The following NCOA4 variants were observed in gnomAD, a reference collection of about 807,000 sequenced individuals.
The protein encoded by NCOA4 is 70 kDa AR-activator.
In NCOA4, 31 loss-of-function variants were observed where a neutral mutation model predicts 69.5. The observed-to-expected ratio is 0.45, with a 90% CI of 0.34 to 0.60. NCOA4 has a LOEUF of 0.60. NCOA4 is among the 20% of genes least tolerant of loss of function. The pLI, the probability that NCOA4 is intolerant of heterozygous loss-of-function variation, is 0.02. For missense variants in NCOA4, 600 were observed against 719.2 expected (o/e 0.83, Z 1.90); for synonymous variants, 228 against 252.4 (o/e 0.90, Z 0.92).
At chr10:46,016,797 CTACTT>C (rs1839581454) in intron 1 of NCOA4, 103 bp from the exon 2 acceptor site, 1 of 765,218 alleles carries the variant, frequency 1.3e-6, no homozygotes, top group Non-Finnish European at 1.8e-6. Context: ...CCATTACTAA[CTACTT>C]AGATTACTTT....
At chr10:46,027,399 A>G (rs1840220867) in intron 1 of NCOA4, 1 of 1,546,584 alleles carries the variant, frequency 6.5e-7, no homozygotes, top group African/African-American at 1.4e-5. Context: ...AGCTCCTCTA[A>G]CTGACATGCA....
Position 46,010,335 on chromosome 10 carries a change from G to T in NCOA4, c.1586C>A (p.Thr529Asn). The change falls in exon 8 of 10, where the codon ACT becomes AAT. Residue 529 changes from threonine (T) to asparagine (N), a missense_variant. Physicochemically the swap from Thr to Asn is moderately conservative, Grantham distance 65. Transcript: ENST00000581486. ...AGCTGTGTTAAAGGAACACCAGGAA[G>T]TATTCATGGGGCTTTTAAACTTCTG... ...GKQKFKSPMN[T>N]SWCSFNTADW... is the part of the protein sequence containing the mutation. The T allele has an allele frequency of 3.1e-6, 5 of 1,614,192 alleles. No homozygotes were observed. Among genetic ancestry groups the T allele is most frequent in the Non-Finnish European group, 4.2e-6 (5 of 1,180,030 alleles).
chr10:46,006,661 C>T, intron 9 of NCOA4, 64 bp from the exon 10 acceptor site: 1 of 1,502,132 alleles, frequency 6.7e-7, no homozygotes, highest in Admixed American at 1.7e-5. Context: ...ATTTTCCCTG[C>T]CTTAAAGCTC....
At chr10:46,013,811 A>G (rs1365005461) in intron 5 of NCOA4, among the ~76,000 whole-genome samples, 172 bp from the exon 6 acceptor site, 4 of 152,254 alleles carry the variant, frequency 2.6e-5, no homozygotes, top group African/African-American at 7.2e-5. Flanking sequence ...ACTCTACCAC[A>G]TAACTATTAT....
intron 7 of NCOA4, among the ~76,000 whole-genome samples, chr10:46,011,870 T>C (rs1158596585): frequency 6.7e-6 from 1 of 149,914 alleles, no homozygotes; most frequent in African/African-American, 2.5e-5. Context: ...CTAACACGGG[T>C]GAAACCCCGT....
chr10:46,009,252 AC>A, intron 9 of NCOA4, 158 bp downstream of exon 9: 1 of 1,503,332 alleles, frequency 6.7e-7, no homozygotes, highest in Non-Finnish European at 9.1e-7. Flanking sequence ...AAATACATCA[AC>A]TTTTTATGAG....
chr10:46,006,576 A>G lies in NCOA4; in HGVS notation c.*16T>C, dbSNP rs182868699. 64 of 1,613,890 alleles carry G rather than the reference A, an allele frequency of 4.0e-5. 1 individual carries two copies. The Middle Eastern group carries it at 1.2e-3, about 30-fold the overall frequency. ...TGATAATCAGCAGAAAGGCTGCTCA[A>G]CTCTTGTCCATTCCTTCACATCTGT... On this transcript the variant is annotated 3_prime_UTR_variant, in exon 10 of 10. Transcript: ENST00000581486.
At position 46,016,494 on chromosome 10, in the gene NCOA4, C is replaced by T; in HGVS notation, c.141+46G>A. ...GTCCTTGGCCATGCTCAAATCAGCC[C>T]TGTGTCAAGAGTCCAGACAACAGAA... On this transcript the variant is annotated intron_variant, in intron 2 of 9. Coordinates refer to ENST00000581486, the MANE Select transcript of NCOA4 (RefSeq NM_001145263.2). 2 of 1,379,280 alleles carry T rather than the reference C, an allele frequency of 1.5e-6. 1 individual carries two copies. The highest frequency in any genetic ancestry group is 4.1e-5 in the South Asian group (2 of 48,442). 85.4% of individuals were successfully genotyped at this position (1,379,280 alleles called of 1,614,324 possible).
intron 1 of NCOA4, among the ~76,000 whole-genome samples, chr10:46,019,935 T>G (rs782355545): frequency 6.6e-6 from 1 of 152,216 alleles, no homozygotes; most frequent in Non-Finnish European, 1.5e-5. Flanking sequence ...TTTGGCTCTC[T>G]CTGTCCCTCC....
At chr10:46,029,418 A>G (rs1840336993) in intron 1 of NCOA4, among the ~76,000 whole-genome samples, 1 of 152,236 alleles carries the variant, frequency 6.6e-6, no homozygotes, top group Non-Finnish European at 1.5e-5. Context: ...CCTTAGGGTA[A>G]GTCTTTCTCA....
chr10:46,020,095 C>T (rs186700566), intron 1 of NCOA4, among the ~76,000 whole-genome samples: 39 of 152,322 alleles, frequency 2.6e-4, no homozygotes, highest in African/African-American at 8.4e-4. Context: ...GAATTCAAAT[C>T]ACAATGAGCC....
chr10:46,011,869 G>A (rs752015862), intron 7 of NCOA4, among the ~76,000 whole-genome samples: 1 of 151,112 alleles, frequency 6.6e-6, no homozygotes, highest in African/African-American at 2.4e-5. Context: ...GCTAACACGG[G>A]TGAAACCCCG....
At chr10:46,021,794 T>C (rs1839884401) in intron 1 of NCOA4, among the ~76,000 whole-genome samples, 1 of 152,096 alleles carries the variant, frequency 6.6e-6, no homozygotes, top group Non-Finnish European at 1.5e-5. Flanking sequence ...ACCCTGTCTC[T>C]AATAAAAATA....
In NCOA4 at chr10:46,010,787, T is replaced by C. The variant is rs1233925640; in HGVS notation, c.1134A>G (p.Pro378=). 3.1e-6 allele frequency: 5 copies of C among 1,613,738 alleles called. No homozygotes were observed. The highest frequency in any genetic ancestry group is 2.7e-5 in the African/African-American group (2 of 74,874). Residue 378 remains proline (P), a synonymous_variant, in exon 8 of 10, where the codon CCA becomes CCG. Transcript: ENST00000581486. ...CLNDHLEAKK[P]LSTPSMVTED... The stretch of plus-strand genomic sequence containing the variant: ...CTGTAACCATGCTGGGGGTGGACAA[T>C]GGTTTCTTGGCCTCCAAGTGGTCAT...
chr10:46,008,669 G>A (rs1330038958), intron 9 of NCOA4, among the ~76,000 whole-genome samples: 4 of 152,174 alleles, frequency 2.6e-5, no homozygotes, highest in Admixed American at 2.6e-4. Flanking sequence ...TAAACTTAGT[G>A]GATAAAGCAG....
intron 1 of NCOA4, among the ~76,000 whole-genome samples, chr10:46,017,560 G>T (rs1002152227): frequency 2.0e-5 from 3 of 151,934 alleles, no homozygotes; most frequent in Non-Finnish European, 4.4e-5. Context: ...CAACAAAAAA[G>T]AATATAACAG....
At chr10:46,013,076 A>G in intron 6 of NCOA4, 50 bp from the exon 7 acceptor site, 4 of 1,587,018 alleles carry the variant, frequency 2.5e-6, no homozygotes, top group Non-Finnish European at 3.5e-6. Flanking sequence ...AGTTCACCAG[A>G]AAAAGAGAAG....
chr10:46,010,150 A>G, intron 8 of NCOA4, 73 bp downstream of exon 8: 1 of 1,501,316 alleles, frequency 6.7e-7, no homozygotes, highest in Non-Finnish European at 8.8e-7. Flanking sequence ...CCTGAGTGAC[A>G]GAGACCCCAT....
intron 1 of NCOA4, chr10:46,019,271 G>T: frequency 1.1e-6 from 1 of 952,176 alleles, no homozygotes; most frequent in Non-Finnish European, 1.3e-6. Flanking sequence ...CCTGTGTTAG[G>T]CAGAAGCATT....
Sources: allele counts gnomAD v4.1 joint callset (sites outside exome capture counted in the v4.1 genomes callset), GRCh38; gene constraint gnomAD v4.1.1; transcripts MANE v1.5; gene names NCBI Gene and HGNC (gene_info 2026-07-23, HGNC 2026-07-21).